Variants in KCTD21 observed in about 807,000 individuals in gnomAD.
The protein encoded by KCTD21 is BTB/POZ domain-containing protein KCTD21.
KCTD21 carries 9 observed loss-of-function variants against 13.2 expected under a neutral mutation model. That is an observed-to-expected ratio of 0.68 (90% CI 0.41 to 1.19). The LOEUF is 1.19. KCTD21 is among the 50% of genes most tolerant of loss of function. The pLI, the probability that KCTD21 is intolerant of heterozygous loss-of-function variation, is 0.01. For synonymous variants in KCTD21, 142 were observed against 137.4 expected, an observed-to-expected ratio of 1.03 and a Z score of -0.23; for missense variants, 303 against 336.5, an observed-to-expected ratio of 0.90 and a Z score of 0.78.
chr11:78,184,317 G>T (rs1237340738), intron 1 of KCTD21, among the ~76,000 whole-genome samples: 3 of 151,950 alleles, frequency 2.0e-5, no homozygotes, highest in Non-Finnish European at 4.4e-5. Context: ...TATTTAAATA[G>T]GTGGAGAAGC....
rs959092048 is a variant in KCTD21, at chr11:78,174,287, G to A, written c.268C>T (p.Gln90Ter). Residue 90 changes from glutamine to a stop codon, truncating the protein, a stop_gained, in exon 2 of 2, where the codon CAG (glutamine) becomes TAG (stop). Transcript: ENST00000340067. LOFTEE classifies it high-confidence loss of function. ...TCCTGCAGGGCCTCAATCAGGGGCTGCACCTGGTAGAAGTCGGCCTCCCTG... is the reference window on the plus strand; with the variant it reads ...TCCTGCAGGGCCTCAATCAGGGGCTACACCTGGTAGAAGTCGGCCTCCCTG... ...LRREADFYQV[Q>*]PLIEALQEKE... The A allele has an allele frequency of 2.5e-6, 4 of 1,613,996 alleles. No homozygotes were observed. The highest frequency in any genetic ancestry group is 3.4e-6 in the Non-Finnish European group (4 of 1,180,044).
intron 1 of KCTD21, chr11:78,178,085 C>T (rs1026697331): frequency 9.8e-5 from 15 of 152,360 alleles, no homozygotes; most frequent in African/African-American, 3.4e-4. Flanking sequence ...GGTGATCTCC[C>T]CTTACCTATC....
intron 1 of KCTD21, among the ~76,000 whole-genome samples, chr11:78,186,402 A>AAAAAAAAAAAAAC (rs71046958): frequency 1.5e-5 from 2 of 132,086 alleles, no homozygotes; most frequent in Non-Finnish European, 3.4e-5. Flanking sequence ...AAAAAAAAAA[A>AAAAAAAAAAAAAC]AAAAAGAAAA....
At chr11:78,178,933 G>C (rs145760482) in intron 1 of KCTD21, among the ~76,000 whole-genome samples, 1 of 152,276 alleles carries the variant, frequency 6.6e-6, no homozygotes, top group South Asian at 2.1e-4. Flanking sequence ...TGGAAAGGGA[G>C]GGGGGCCTTG....
In KCTD21 at chr11:78,187,835, C is replaced by T. The variant is rs370068210; in HGVS notation, c.-30+738G>A. 38 of 985,416 alleles carry T rather than the reference C, an allele frequency of 3.9e-5. 1 individual carries two copies. The South Asian group carries it at 1.4e-3, about 35-fold the overall frequency. The allele number at this position is 985,416 out of a possible 1,614,324, so 61.0% of individuals were successfully genotyped here. ...CCTCCCACGCCAAGCTAAACCTCTG[C>T]CTCCCCGAGTGCAGGGAGAAAAGCA... On this transcript the variant is annotated intron_variant, in intron 1 of 1. Transcript: ENST00000340067.
chr11:78,177,237 G>A (rs537423742), intron 1 of KCTD21, among the ~76,000 whole-genome samples: 22 of 152,318 alleles, frequency 1.4e-4, no homozygotes, highest in Admixed American at 5.9e-4. Context: ...TCTGTGGCAG[G>A]GGCAGGGGTA....
At chr11:78,183,246 A>G (rs1862680596) in intron 1 of KCTD21, among the ~76,000 whole-genome samples, 6 of 152,294 alleles carry the variant, frequency 3.9e-5, no homozygotes, top group Admixed American at 2.6e-4. Flanking sequence ...CAACAAAACA[A>G]GAGTCCAGGC....
intron 1 of KCTD21, chr11:78,187,976 G>A (rs1862845577): frequency 1.0e-6 from 1 of 985,304 alleles, no homozygotes; most frequent in Admixed American, 6.1e-5. Context: ...CAGGGCGTGG[G>A]AGGTCAATGA....
In KCTD21 at chr11:78,183,394, G is replaced by A. The variant is rs142674608; in HGVS notation, c.-30+5179C>T. Among the ~76,000 whole-genome samples, 1,290 of 152,030 alleles carry A rather than the reference G, an allele frequency of 8.5e-3. 7 individuals are homozygous for A. The highest frequency in any genetic ancestry group is 0.027 in the Middle Eastern group (8 of 294). On this transcript the variant is annotated intron_variant, in intron 1 of 1. Coordinates refer to ENST00000340067, the MANE Select transcript of KCTD21 (RefSeq NM_001029859.3). ...CTACTAAAAATACAAAAAATAGCTG[G>A]GCGGGGTGGCGTGCGCCTGTTATTC...
chr11:78,185,943 C>T (rs2137007863), intron 1 of KCTD21, among the ~76,000 whole-genome samples: 1 of 152,170 alleles, frequency 6.6e-6, no homozygotes, highest in South Asian at 2.1e-4. Flanking sequence ...GATGGCTGTT[C>T]AGGCCTTGTT....
At chr11:78,176,989 GCAGA>G (rs1392133350) in intron 1 of KCTD21, 1 of 152,306 alleles carries the variant, frequency 6.6e-6, no homozygotes, top group African/African-American at 2.4e-5. Context: ...CTCCAGCCTG[GCAGA>G]CAGAGGGAGA....
In KCTD21 at chr11:78,171,802, C is replaced by G. The variant is rs980033157; in HGVS notation, c.*1970G>C. ...TGTATTTTTAGCAGAGACGACGTTT[C>G]ACCATGTTGGCCAGGCTGGTCTTGA... is the stretch of plus-strand genomic sequence containing the variant. On this transcript the variant is annotated 3_prime_UTR_variant, in exon 2 of 2. Transcript: ENST00000340067. 1 of 152,282 alleles carries G rather than the reference C, an allele frequency of 6.6e-6. No individual in the cohort carries two copies. Among genetic ancestry groups the G allele is most frequent in the African/African-American group, 2.4e-5 (1 of 41,466 alleles). The allele number at this position is 152,282 out of a possible 1,614,324, so 9.4% of individuals were successfully genotyped here.
chr11:78,178,857 C>T (rs1862533589), intron 1 of KCTD21, among the ~76,000 whole-genome samples: 2 of 152,152 alleles, frequency 1.3e-5, no homozygotes, highest in Non-Finnish European at 2.9e-5. Context: ...AACGCCATCG[C>T]CCCAGCTGGG....
chr11:78,180,916 A>C (rs1862598311), intron 1 of KCTD21, among the ~76,000 whole-genome samples: 1 of 152,080 alleles, frequency 6.6e-6, no homozygotes, highest in Non-Finnish European at 1.5e-5. Flanking sequence ...TTCTTAAGAG[A>C]TCTGATGGTT....
rs574433787 is a variant in KCTD21 at position 78,172,661 on chromosome 11, T to C, written c.*1111A>G. On this transcript the variant is annotated 3_prime_UTR_variant, in exon 2 of 2. Coordinates refer to ENST00000340067, the MANE Select transcript of KCTD21 (RefSeq NM_001029859.3). ...GGTGACTATTTTGAAAGCAAAGATATATAACTGGGTGAATGGGAAGGTCTG... is the reference window on the plus strand; with the variant it reads ...GGTGACTATTTTGAAAGCAAAGATACATAACTGGGTGAATGGGAAGGTCTG... The C allele has an allele frequency of 6.6e-6, 1 of 152,308 alleles. No homozygotes were observed. Among genetic ancestry groups the C allele is most frequent in the East Asian group, 1.9e-4 (1 of 5,182 alleles). The allele number at this position is 152,308 out of a possible 1,614,324, so 9.4% of individuals were successfully genotyped here. A position where few individuals can be genotyped will look rare whatever the true frequency, so the allele number is the denominator to read the frequency against.
chr11:78,183,439 G>C (rs111961507), intron 1 of KCTD21, among the ~76,000 whole-genome samples: 6,966 of 151,906 alleles, frequency 0.046, 233 homozygotes, highest in Non-Finnish European at 0.065. Context: ...GGGAGGCTGA[G>C]GCAGGAGAAT....
intron 1 of KCTD21, among the ~76,000 whole-genome samples, chr11:78,184,150 C>T (rs1284601779): frequency 4.6e-5 from 7 of 152,124 alleles, no homozygotes; most frequent in Non-Finnish European, 7.4e-5. Flanking sequence ...TTTACCTTTA[C>T]GATAGAGAGA....
At chr11:78,187,090 C>A (rs1590886393) in intron 1 of KCTD21, 2 of 985,278 alleles carry the variant, frequency 2.0e-6, no homozygotes, top group Admixed American at 6.2e-5. Flanking sequence ...GGAGTAAATG[C>A]AAGGAGAGTT....
At chr11:78,186,409 A>AC (rs1862772975) in intron 1 of KCTD21, among the ~76,000 whole-genome samples, 1 of 129,478 alleles carries the variant, frequency 7.7e-6, no homozygotes, top group African/African-American at 3.0e-5. Context: ...AAAAAAAAAG[A>AC]AAAGAACTGG....
Sources: allele counts gnomAD v4.1 joint callset (sites outside exome capture counted in the v4.1 genomes callset), GRCh38; gene constraint gnomAD v4.1.1; transcripts MANE v1.5; gene names NCBI Gene and HGNC (gene_info 2026-07-23, HGNC 2026-07-21).